Variants in RHOBTB3 observed in about 807,000 individuals in gnomAD.
The protein encoded by RHOBTB3 is rho-related BTB domain-containing protein 3.
A neutral mutation model predicts 67.2 loss-of-function variants in RHOBTB3; 47 were observed. That is an observed-to-expected ratio of 0.70 (90% confidence interval 0.55 to 0.89). RHOBTB3 has a LOEUF of 0.89. RHOBTB3 is among the 40% of genes least tolerant of loss of function. The pLI is 0.00. For missense variants in RHOBTB3, 631 were observed against 750.0 expected, an observed-to-expected ratio of 0.84 and a Z score of 1.85; for synonymous variants, 273 against 274.2, an observed-to-expected ratio of 1.00 and a Z score of 0.04.
intron 8 of RHOBTB3, among the ~76,000 whole-genome samples, chr5:95,778,901 C>T (rs1745969756): frequency 6.6e-6 from 1 of 152,154 alleles, no homozygotes. Context: ...GGGAGGGCTT[C>T]CCAAGTTACT....
intron 9 of RHOBTB3, chr5:95,781,882 A>G (rs1746059004): frequency 6.6e-6 from 1 of 152,228 alleles, no homozygotes. Context: ...CCTAATAAAA[A>G]TGAAAGCATT....
chr5:95,758,984 C>T (rs763049072), intron 6 of RHOBTB3, among the ~76,000 whole-genome samples: 11 of 152,212 alleles, frequency 7.2e-5, no homozygotes, highest in Non-Finnish European at 1.5e-4. Context: ...ATGGGGTGAG[C>T]TGTAAGGCTG....
At chr5:95,769,944 G>A (rs1269769279) in intron 8 of RHOBTB3, 2 of 419,978 alleles carry the variant, frequency 4.8e-6, no homozygotes, top group Non-Finnish European at 9.4e-6. Flanking sequence ...AAAAGCTCCA[G>A]GTTTGTTGAC....
chr5:95,753,985 T>G (rs1043438076), intron 5 of RHOBTB3, among the ~76,000 whole-genome samples: 2 of 152,006 alleles, frequency 1.3e-5, no homozygotes, highest in African/African-American at 4.8e-5. Context: ...TGGCGACGCC[T>G]GTAGTCCCAG....
rs1052208738 is a variant in RHOBTB3 at position 95,748,411 on chromosome 5, C to G, written c.494C>G (p.Ala165Gly). The G allele has an allele frequency of 6.2e-7, 1 of 1,613,362 alleles. No homozygotes were observed. Among genetic ancestry groups the G allele is most frequent in the East Asian group, 2.2e-5 (1 of 44,836 alleles). The change falls in exon 4 of 12, where the codon GCA (alanine) becomes GGA (glycine). Residue 165 changes from alanine to glycine, a missense_variant. Ala to Gly is a moderately conservative substitution (Grantham distance 60). Coordinates refer to ENST00000379982, the MANE Select transcript of RHOBTB3 (RefSeq NM_014899.4). ...AGTACAACTGAAGGGATCCAACTTG[C>G]AAAAGAACTAGGAGCGACCTATCTT... Reference protein sequence around the residue: ...CVSTTEGIQLAKELGATYLEL... With the variant: ...CVSTTEGIQLGKELGATYLEL...
chr5:95,741,522 T>TG lies in RHOBTB3; in HGVS notation c.415+4448dup, dbSNP rs1273301313. On this transcript the variant is annotated intron_variant, in intron 3 of 11. Coordinates refer to ENST00000379982, the MANE Select transcript of RHOBTB3 (RefSeq NM_014899.4). ...ATTCTCTTTTTTTTTTCTTTCTTTC[T>TG]GTTTTTTTTTTTTTTTTTTTTTAGA... 1.0e-3 allele frequency among the ~76,000 whole-genome samples: 120 copies of TG among 115,888 alleles called. No homozygotes were observed. In the South Asian group the frequency reaches 0.015, roughly 14 times the overall value. 76.0% of individuals were successfully genotyped at this position (115,888 alleles called of 152,430 possible).
intron 2 of RHOBTB3, among the ~76,000 whole-genome samples, chr5:95,735,767 T>C (rs1755440293): frequency 6.6e-6 from 1 of 152,194 alleles, no homozygotes; most frequent in African/African-American, 2.4e-5. Context: ...ATATTTTCCT[T>C]ACATCACTAT....
At chr5:95,756,944 C>CTTGGTGTAGAATG (rs1308249310) in intron 6 of RHOBTB3, among the ~76,000 whole-genome samples, 1 of 152,048 alleles carries the variant, frequency 6.6e-6, no homozygotes, top group African/African-American at 2.4e-5. Context: ...TAAATGAAAT[C>CTTGGTGTAGAATG]AAGTGTCTAC....
chr5:95,729,175 C>T (rs1018470647), upstream of RHOBTB3, among the ~76,000 whole-genome samples: 1 of 152,196 alleles, frequency 6.6e-6, no homozygotes, highest in Non-Finnish European at 1.5e-5. Context: ...TATTCCTTTA[C>T]TTTCTTAATA....
In RHOBTB3 at chr5:95,795,252, TAATC is replaced by T. The variant is rs1324258019; in HGVS notation, c.*2081_*2084del. The T allele has an allele frequency of 6.6e-6, 1 of 152,236 alleles. No homozygotes were observed. The highest frequency in any genetic ancestry group is 1.5e-5 in the Non-Finnish European group (1 of 68,036). The allele number at this position is 152,236 out of a possible 1,614,324, so 9.4% of individuals were successfully genotyped here. A position where few individuals can be genotyped will look rare whatever the true frequency, so the allele number is the denominator to read the frequency against. Reference sequence around the variant, plus strand: ...TCTTTTGTATTTTAATCACTTGAGTTAATCAACCACTGGCAAATCCCATTTGACA... The same window carrying T: ...TCTTTTGTATTTTAATCACTTGAGTTAACCACTGGCAAATCCCATTTGACA... On this transcript the variant is annotated 3_prime_UTR_variant, in exon 12 of 12. Transcript: ENST00000379982.
intron 1 of RHOBTB3, chr5:95,717,831 A>C (rs2112740347): frequency 6.6e-6 from 1 of 152,354 alleles, no homozygotes; most frequent in South Asian, 2.1e-4. Flanking sequence ...AGATTGATTT[A>C]GAAGGGACAT....
upstream of RHOBTB3, among the ~76,000 whole-genome samples, chr5:95,727,760 T>C (rs527508545): frequency 3.3e-5 from 5 of 152,360 alleles, no homozygotes; most frequent in East Asian, 9.6e-4. Context: ...AAAAGATCTT[T>C]AGGATATCAG....
intron 11 of RHOBTB3, among the ~76,000 whole-genome samples, chr5:95,790,243 C>T (rs1306937839): frequency 6.6e-6 from 1 of 152,184 alleles, no homozygotes; most frequent in African/African-American, 2.4e-5. Context: ...AAAGATAAGG[C>T]TTGTGTATGC....
chr5:95,782,057 T>C (rs978623566), intron 9 of RHOBTB3: 3 of 152,200 alleles, frequency 2.0e-5, no homozygotes, highest in African/African-American at 7.2e-5. Flanking sequence ...ACCTTGCTAA[T>C]TAGAAAATAT....
At chr5:95,736,034 G>A (rs1755447174) in intron 2 of RHOBTB3, among the ~76,000 whole-genome samples, 1 of 152,010 alleles carries the variant, frequency 6.6e-6, no homozygotes, top group South Asian at 2.1e-4. Context: ...CTTGGGAGGT[G>A]GAGGCTGCAG....
At chr5:95,751,824 A>G (rs189372215) in intron 4 of RHOBTB3, among the ~76,000 whole-genome samples, 6 of 152,332 alleles carry the variant, frequency 3.9e-5, no homozygotes, top group African/African-American at 4.8e-5. Context: ...CGTTTAGGAT[A>G]ATGGCCTCTA....
intron 8 of RHOBTB3, among the ~76,000 whole-genome samples, chr5:95,774,279 C>G (rs1745805463): frequency 6.6e-6 from 1 of 152,118 alleles, no homozygotes; most frequent in South Asian, 2.1e-4. Context: ...ATCCTATGCC[C>G]TAATAACAAT....
intron 3 of RHOBTB3, among the ~76,000 whole-genome samples, chr5:95,745,599 T>C (rs376159852): frequency 3.0e-4 from 45 of 152,256 alleles, no homozygotes; most frequent in Middle Eastern, 6.8e-3. Flanking sequence ...GCCACTACTT[T>C]TCAAAGATGT....
upstream of RHOBTB3, among the ~76,000 whole-genome samples, chr5:95,727,665 G>A (rs764740380): frequency 3.9e-5 from 6 of 152,162 alleles, no homozygotes; most frequent in Non-Finnish European, 8.8e-5. Context: ...ATGTGCTGAT[G>A]AGAGAAACTG....
Sources: allele counts gnomAD v4.1 joint callset (sites outside exome capture counted in the v4.1 genomes callset), GRCh38; gene constraint gnomAD v4.1.1; transcripts MANE v1.5; gene names NCBI Gene and HGNC (gene_info 2026-07-23, HGNC 2026-07-21).